Variants in TRPM3 observed in about 807,000 individuals in gnomAD.
The protein encoded by TRPM3 is transient receptor potential cation channel subfamily M member 3.
In TRPM3, 77 loss-of-function variants were observed where a neutral mutation model predicts 181.2. The ratio of observed to expected loss-of-function variants is 0.42; its 90% CI spans 0.35 to 0.51. TRPM3 has a LOEUF of 0.51. Among genes scored for constraint, TRPM3 ranks in the 20% least tolerant of loss-of-function variants. The pLI is 0.01. For missense variants in TRPM3, 1,759 were observed against 2,196.7 expected, an observed-to-expected ratio of 0.80 and a Z score of 3.98; for synonymous variants, 745 against 796.4, an observed-to-expected ratio of 0.94 and a Z score of 1.09.
chr9:71,285,447 A>G (rs1174234161), intron 1 of TRPM3, among the ~76,000 whole-genome samples: 1 of 152,162 alleles, frequency 6.6e-6, no homozygotes, highest in Non-Finnish European at 1.5e-5. Context: ...CTCAGAGTTG[A>G]AAAGCTGCCT....
intron 1 of TRPM3, among the ~76,000 whole-genome samples, chr9:70,927,601 C>T (rs1056705097): frequency 1.3e-5 from 2 of 152,130 alleles, no homozygotes; most frequent in African/African-American, 2.4e-5. Context: ...GTAGTCTTTG[C>T]TATTTGCAAA....
chr9:70,977,648 A>G (rs1193624498), intron 1 of TRPM3, among the ~76,000 whole-genome samples: 1 of 152,226 alleles, frequency 6.6e-6, no homozygotes, highest in African/African-American at 2.4e-5. Context: ...AGTCTGGGTC[A>G]GTTTTATTTC....
chr9:71,004,306 C>T (rs1049683664), intron 1 of TRPM3, among the ~76,000 whole-genome samples: 1 of 152,368 alleles, frequency 6.6e-6, no homozygotes, highest in East Asian at 1.9e-4. Flanking sequence ...AACCCAAAGG[C>T]TGGTGATTAA....
intron 1 of TRPM3, among the ~76,000 whole-genome samples, chr9:71,004,473 A>G (rs911165802): frequency 1.3e-5 from 2 of 152,260 alleles, no homozygotes; most frequent in African/African-American, 4.8e-5. Flanking sequence ...GTTAAGTAGT[A>G]AAAGCCTAAC....
At chr9:70,942,762 T>C (rs1434675620) in intron 1 of TRPM3, among the ~76,000 whole-genome samples, 1 of 152,180 alleles carries the variant, frequency 6.6e-6, no homozygotes, top group African/African-American at 2.4e-5. Context: ...GGATCATCCA[T>C]AAATGGATAG....
chr9:70,909,833 C>T (rs1025927977), intron 1 of TRPM3, among the ~76,000 whole-genome samples: 4 of 152,162 alleles, frequency 2.6e-5, no homozygotes, highest in African/African-American at 7.2e-5. Flanking sequence ...ATTACTTTTG[C>T]ACCGACCCAA....
chr9:71,237,934 T>C (rs1334663772), intron 1 of TRPM3, among the ~76,000 whole-genome samples: 1 of 152,158 alleles, frequency 6.6e-6, no homozygotes. Context: ...TCCCTCATAG[T>C]CCTCATTCCT....
At chr9:70,599,662 C>T (rs2132674383) in intron 20 of TRPM3, among the ~76,000 whole-genome samples, 1 of 152,246 alleles carries the variant, frequency 6.6e-6, no homozygotes, top group South Asian at 2.1e-4. Context: ...TATTTGGCTC[C>T]TCTTCATCTT....
At chr9:70,770,098 T>C (rs2079929377) in intron 7 of TRPM3, among the ~76,000 whole-genome samples, 1 of 143,902 alleles carries the variant, frequency 6.9e-6, no homozygotes, top group East Asian at 1.9e-4. Context: ...TCTTGTTGTT[T>C]AAACTCAAAG....
chr9:71,371,681 CTTAG>C (rs1283441962), intron 1 of TRPM3, among the ~76,000 whole-genome samples: 1 of 152,148 alleles, frequency 6.6e-6, no homozygotes, highest in Non-Finnish European at 1.5e-5. Flanking sequence ...AGGTTATAAA[CTTAG>C]TTGGTAAAGC....
chr9:70,872,178 C>T (rs1472305355), intron 1 of TRPM3, among the ~76,000 whole-genome samples: 3 of 151,894 alleles, frequency 2.0e-5, no homozygotes, highest in Non-Finnish European at 4.4e-5. Context: ...ATATTCAACT[C>T]TTGTTGTAGC....
chr9:71,421,952 C>T (rs899194652), intron 1 of TRPM3, among the ~76,000 whole-genome samples: 2 of 151,970 alleles, frequency 1.3e-5, no homozygotes, highest in African/African-American at 4.8e-5. Context: ...GGAGACTCAA[C>T]GTCCCTTTTT....
intron 1 of TRPM3, among the ~76,000 whole-genome samples, chr9:71,051,003 G>A (rs2060005954): frequency 6.6e-6 from 1 of 152,126 alleles, no homozygotes; most frequent in Non-Finnish European, 1.5e-5. Flanking sequence ...CTAAACTTTA[G>A]TTTACTCATC....
chr9:71,204,258 C>G (rs1208489192), intron 1 of TRPM3, among the ~76,000 whole-genome samples: 16 of 150,554 alleles, frequency 1.1e-4, no homozygotes, highest in Non-Finnish European at 2.2e-4. Context: ...AAGAAACTAC[C>G]ATCAGAGTGA....
In TRPM3 at chr9:71,368,049, C is replaced by A. The variant is rs79166755; in HGVS notation, c.183+78604G>T. ...ACACATATGAGTATGTGTACACACA[C>A]ACACATGAGGTTCACTGGCTAAAGA... On this transcript the variant is annotated intron_variant, in intron 1 of 24. Transcript: ENST00000357533. Among the ~76,000 whole-genome samples, 657 of 152,176 alleles carry A rather than the reference C, an allele frequency of 4.3e-3. 8 individuals are homozygous for A. The highest frequency in any genetic ancestry group is 0.015 in the African/African-American group (632 of 41,518).
intron 1 of TRPM3, among the ~76,000 whole-genome samples, chr9:71,118,423 T>C (rs953818084): frequency 6.6e-6 from 1 of 152,150 alleles, no homozygotes; most frequent in East Asian, 1.9e-4. Context: ...TATTAGGAAA[T>C]GGAAAATAAG....
At chr9:70,953,972 G>A (rs2097034331) in intron 1 of TRPM3, among the ~76,000 whole-genome samples, 1 of 152,158 alleles carries the variant, frequency 6.6e-6, no homozygotes, top group Non-Finnish European at 1.5e-5. Flanking sequence ...AGAAACTTCA[G>A]TGGGTCTTCT....
chr9:71,310,194 T>C (rs1296449222), intron 1 of TRPM3, among the ~76,000 whole-genome samples: 2 of 152,044 alleles, frequency 1.3e-5, no homozygotes. Context: ...GAGGTAAGAA[T>C]CATCACACAG....
rs190918109 is a variant in TRPM3, at chr9:70,875,266, C to G, written c.178-10755G>C. 1.2e-3 allele frequency among the ~76,000 whole-genome samples: 177 copies of G among 151,996 alleles called. 2 individuals are homozygous for G. The highest frequency in any genetic ancestry group is 0.011 in the Admixed American group (161 of 15,224). Reference sequence around the variant, plus strand: ...AGCCCCAATTCCTAGAGTTAGGATTCTGGGAATCAGCTTTATTGTTAGTCC... The same window carrying G: ...AGCCCCAATTCCTAGAGTTAGGATTGTGGGAATCAGCTTTATTGTTAGTCC... On this transcript the variant is annotated intron_variant, in intron 1 of 25. Transcript: ENST00000677713.
Sources: gnomAD v4.1 joint callset for allele counts (sites outside exome capture counted in the v4.1 genomes callset) on GRCh38, gnomAD v4.1.1 for gene constraint, MANE v1.5 for transcripts, NCBI Gene and HGNC (gene_info 2026-07-23, HGNC 2026-07-21) for gene names.